Variants in ST18 observed in about 807,000 individuals in gnomAD.
ST18 encodes ST18 C2H2C-type zinc finger transcription factor.
In ST18, 50 loss-of-function variants were observed where a neutral mutation model predicts 110.0. The observed-to-expected ratio is 0.45, with a 90% CI of 0.36 to 0.58. The LOEUF (loss-of-function observed/expected upper bound fraction) is 0.58, where lower values mean the gene tolerates loss of function less well. ST18 is among the 20% of genes least tolerant of loss of function. The pLI, the probability that ST18 is intolerant of heterozygous loss-of-function variation, is 0.00. For synonymous variants in ST18, 461 were observed against 452.4 expected (o/e 1.02, Z -0.24); for missense variants, 1,306 against 1,280.1 (o/e 1.02, Z -0.31).
rs776562044 is a variant in ST18 at position 52,116,287 on chromosome 8, C to A, written c.2991G>T (p.Gln997His). Residue 997 changes from glutamine (Q) to histidine (H), a missense_variant, in exon 25 of 26, where the codon CAG becomes CAT. Coordinates refer to ENST00000689386, the MANE Select transcript of ST18 (RefSeq NM_001352837.2). Reference protein sequence around the residue: ...QALISSLADIQLPQMGPISEQ... With the variant: ...QALISSLADIHLPQMGPISEQ... ...GCCTTGAACTTACCATCTGTGGAAG[C>A]TGGATGTCAGCAAGGCTTGAAATGA... 3 of 1,613,432 alleles carry A rather than the reference C, an allele frequency of 1.9e-6. No individual in the cohort carries two copies. The highest frequency in any genetic ancestry group is 1.3e-5 in the African/African-American group (1 of 75,020).
intron 2 of ST18, chr8:52,249,484 T>A (rs2094124664): frequency 6.6e-6 from 1 of 152,178 alleles, no homozygotes; most frequent in South Asian, 2.1e-4. Context: ...GGACACTCTG[T>A]GATACTCTAG....
chr8:52,130,185 C>A (rs1351562289), intron 22 of ST18, among the ~76,000 whole-genome samples: 2 of 136,272 alleles, frequency 1.5e-5, no homozygotes, highest in Non-Finnish European at 1.6e-5. Flanking sequence ...AAAATAGTAC[C>A]TTGGCATTAA....
chr8:52,156,554 C>G (rs932162667), intron 15 of ST18, among the ~76,000 whole-genome samples: 1 of 152,166 alleles, frequency 6.6e-6, no homozygotes. Context: ...CAGAAAAGGC[C>G]TACATCAGAC....
chr8:52,251,132 T>C (rs1260900004), intron 2 of ST18, among the ~76,000 whole-genome samples: 1 of 152,118 alleles, frequency 6.6e-6, no homozygotes, highest in Non-Finnish European at 1.5e-5. Context: ...CAGGGTGTGA[T>C]CAAAAACGGA....
chr8:52,338,985 C>T (rs888779985), intron 2 of ST18, among the ~76,000 whole-genome samples: 2 of 152,158 alleles, frequency 1.3e-5, no homozygotes, highest in East Asian at 3.9e-4. Flanking sequence ...CTCAAGCGAC[C>T]CTCCCACCTC....
At chr8:52,177,076 G>T (rs73587547) in intron 9 of ST18, among the ~76,000 whole-genome samples, 1 of 152,082 alleles carries the variant, frequency 6.6e-6, no homozygotes, top group Non-Finnish European at 1.5e-5. Context: ...TTGTGGTTAC[G>T]CTGCTGGGGA....
At chr8:52,395,946 T>C (rs1840961280) in intron 2 of ST18, among the ~76,000 whole-genome samples, 1 of 152,202 alleles carries the variant, frequency 6.6e-6, no homozygotes, top group South Asian at 2.1e-4. Flanking sequence ...ACACAGAATC[T>C]GTATGCCCAT....
chr8:52,347,118 A>G (rs1329848174), intron 2 of ST18, among the ~76,000 whole-genome samples: 1 of 152,260 alleles, frequency 6.6e-6, no homozygotes, highest in Non-Finnish European at 1.5e-5. Flanking sequence ...GTCCTGGCAC[A>G]ATGCCTCTTG....
At chr8:52,267,345 AC>A (rs900901987) in intron 2 of ST18, among the ~76,000 whole-genome samples, 143 of 152,178 alleles carry the variant, frequency 9.4e-4, no homozygotes, top group African/African-American at 3.2e-3. Context: ...GGAACCAGCA[AC>A]AAGGAACAGC....
intron 2 of ST18, among the ~76,000 whole-genome samples, chr8:52,353,550 T>G (rs1821325082): frequency 6.6e-6 from 1 of 152,116 alleles, no homozygotes; most frequent in Admixed American, 6.5e-5. Context: ...TATGAGCAAC[T>G]AGGAATTAAC....
intron 2 of ST18, among the ~76,000 whole-genome samples, chr8:52,379,786 T>C (rs1833858953): frequency 6.6e-6 from 1 of 152,120 alleles, no homozygotes; most frequent in Non-Finnish European, 1.5e-5. Context: ...TTGAGAGAAA[T>C]GTAAACAAAT....
rs2060779042 is a variant in ST18, at chr8:52,159,175, T to G, written c.1595-66A>C. 4 of 1,466,592 alleles carry G rather than the reference T, an allele frequency of 2.7e-6. No homozygotes were observed. In the Admixed American group the frequency reaches 8.4e-5, roughly 31 times the overall value. The allele number at this position is 1,466,592 out of a possible 1,614,324, so 90.8% of individuals were successfully genotyped here. ...TTTTAGTCATTAAACAGATTTGTTT[T>G]TTTTAAAAATGTAACTTCTTGCATT... is the stretch of plus-strand genomic sequence containing the variant. On this transcript the variant is annotated intron_variant, in intron 14 of 25. Transcript: ENST00000689386.
At position 52,378,544 on chromosome 8, in the gene ST18, A is replaced by G. The variant is rs541509040; in HGVS notation, c.-465+30784T>C. On this transcript the variant is annotated intron_variant, in intron 2 of 25. Coordinates refer to ENST00000689386, the MANE Select transcript of ST18 (RefSeq NM_001352837.2). ...TCTCAAAGTGTTGTGTCATTTTCCT[A>G]GTTTAGCCAGGAGGGCAGGCAGTCG... is the stretch of plus-strand genomic sequence containing the variant. 2.0e-5 allele frequency among the ~76,000 whole-genome samples: 3 copies of G among 152,252 alleles called. No homozygotes were observed. In the South Asian group the frequency reaches 6.2e-4, roughly 32 times the overall value.
chr8:52,380,757 T>A (rs1393284542), intron 2 of ST18, among the ~76,000 whole-genome samples: 1 of 152,198 alleles, frequency 6.6e-6, no homozygotes, highest in Non-Finnish European at 1.5e-5. Context: ...ATTGATCTTA[T>A]TCCCTGCTTT....
intron 9 of ST18, among the ~76,000 whole-genome samples, chr8:52,178,600 A>C (rs1331283569): frequency 7.1e-6 from 1 of 140,430 alleles, no homozygotes; most frequent in Non-Finnish European, 1.5e-5. Context: ...CTGGGCGACA[A>C]AGTGAGACTC....
At chr8:52,163,581 A>T (rs965261795) in intron 13 of ST18, among the ~76,000 whole-genome samples, 1 of 152,182 alleles carries the variant, frequency 6.6e-6, no homozygotes, top group African/African-American at 2.4e-5. Flanking sequence ...ATGAATATAT[A>T]ACAGTACATA....
At chr8:52,231,630 C>T (rs911836855) in intron 2 of ST18, among the ~76,000 whole-genome samples, 3 of 152,164 alleles carry the variant, frequency 2.0e-5, no homozygotes, top group Non-Finnish European at 4.4e-5. Flanking sequence ...GCACAGGCCA[C>T]CAAGCCCAGT....
chr8:52,218,772 T>C (rs1437231839), intron 5 of ST18, among the ~76,000 whole-genome samples: 1 of 152,052 alleles, frequency 6.6e-6, no homozygotes, highest in African/African-American at 2.4e-5. Flanking sequence ...AAGATTTTGC[T>C]GTGCTCATCG....
intron 5 of ST18, among the ~76,000 whole-genome samples, chr8:52,218,219 C>A (rs117988124): frequency 0.029 from 4,437 of 151,920 alleles, 122 homozygotes; most frequent in East Asian, 0.085. Flanking sequence ...ATACCTCTCT[C>A]TCTATATATA....
Sources: gnomAD v4.1 joint callset for allele counts (sites outside exome capture counted in the v4.1 genomes callset) on GRCh38, gnomAD v4.1.1 for gene constraint, MANE v1.5 for transcripts, NCBI Gene and HGNC (gene_info 2026-07-23, HGNC 2026-07-21) for gene names.